The following GABBR2 variants were observed in gnomAD, a reference collection of about 807,000 sequenced individuals.
GABBR2 encodes G-protein coupled receptor 51.
A neutral mutation model predicts 105.6 loss-of-function variants in GABBR2; 23 were observed. The ratio of observed to expected loss-of-function variants is 0.22; its 90% CI spans 0.16 to 0.31. The LOEUF (loss-of-function observed/expected upper bound fraction) is 0.31. Ranked by LOEUF, GABBR2 falls within the 10% of genes least tolerant of loss-of-function variation. GABBR2 has a pLI of 1.00. For synonymous variants in GABBR2, 478 were observed against 499.7 expected (o/e 0.96, Z 0.58); for missense variants, 734 against 1,245.5 (o/e 0.59, Z 6.18).
intron 1 of GABBR2, among the ~76,000 whole-genome samples, chr9:98,616,834 G>A (rs557238124): frequency 6.6e-6 from 1 of 152,240 alleles, no homozygotes; most frequent in South Asian, 2.1e-4. Flanking sequence ...TAGATGAAGT[G>A]ACTGGATCTG....
At chr9:98,438,738 A>C (rs16916050) in intron 7 of GABBR2, among the ~76,000 whole-genome samples, 7,994 of 152,202 alleles carry the variant, frequency 0.053, 424 homozygotes, top group African/African-American at 0.14. Flanking sequence ...TACTGAAAAC[A>C]TGGGAATGAG....
intron 1 of GABBR2, among the ~76,000 whole-genome samples, chr9:98,699,875 A>G (rs1830806115): frequency 6.6e-6 from 1 of 152,252 alleles, no homozygotes; most frequent in South Asian, 2.1e-4. Context: ...GCTAGAGAAG[A>G]AGAAGAAAAG....
intron 7 of GABBR2, among the ~76,000 whole-genome samples, chr9:98,442,634 G>A (rs1348012889): frequency 6.6e-6 from 1 of 152,156 alleles, no homozygotes; most frequent in Non-Finnish European, 1.5e-5. Context: ...GTTTGCTTGG[G>A]CCATCATCAC....
chr9:98,682,894 T>C (rs893215941), intron 1 of GABBR2, among the ~76,000 whole-genome samples: 1 of 152,080 alleles, frequency 6.6e-6, no homozygotes, highest in African/African-American at 2.4e-5. Context: ...TTGTTTTGTT[T>C]GTTTGTTTGT....
chr9:98,368,598 T>C (rs1005096214), intron 12 of GABBR2, among the ~76,000 whole-genome samples: 1 of 152,234 alleles, frequency 6.6e-6, no homozygotes, highest in Non-Finnish European at 1.5e-5. Context: ...TTTTGTCGAT[T>C]GTGGCCAGAC....
At chr9:98,394,146 C>A (rs928680919) in intron 9 of GABBR2, 29 bp downstream of exon 9, 3 of 1,516,614 alleles carry the variant, frequency 2.0e-6, no homozygotes, top group Non-Finnish European at 1.8e-6. Flanking sequence ...TGGGCAGGCC[C>A]CCTCCTCTGA....
chr9:98,415,678 A>G (rs1832678313), intron 7 of GABBR2, among the ~76,000 whole-genome samples: 1 of 152,154 alleles, frequency 6.6e-6, no homozygotes, highest in Admixed American at 6.5e-5. Flanking sequence ...TTATTAATAG[A>G]TATTCAACAA....
At chr9:98,390,375 CAAAAAAAAAAAAAA>C (rs61216428) in intron 9 of GABBR2, among the ~76,000 whole-genome samples, 21 of 32,444 alleles carry the variant, frequency 6.5e-4, no homozygotes, top group Admixed American at 3.7e-4. Flanking sequence ...CTCCATCTCA[CAAAAAAAAAAAAAA>C]AAAAAAAAAA....
chr9:98,655,881 T>C (rs1304766781), intron 1 of GABBR2, among the ~76,000 whole-genome samples: 2 of 152,168 alleles, frequency 1.3e-5, no homozygotes, highest in African/African-American at 2.4e-5. Flanking sequence ...AAATACCTAA[T>C]GTAGATCACG....
rs1364799359 is a variant in GABBR2 at position 98,385,643 on chromosome 9, G to A, written c.1659C>T (p.Cys553=). 1.2e-5 allele frequency: 19 copies of A among 1,613,194 alleles called. No individual in the cohort carries two copies. In the South Asian group the frequency reaches 1.2e-4, roughly 10 times the overall value. Residue 553 remains cysteine (C), a synonymous_variant, in exon 11 of 19, where the codon TGC becomes TGT. Transcript: ENST00000259455. ...FVSEKTFETL[C]TVRTWILTVG... Reference sequence around the variant, plus strand: ...TGGCTTATGCAGAATGACTTACGGTGCAAAGTGTTTCAAAGGTCTTTTCAG... The same window carrying A: ...TGGCTTATGCAGAATGACTTACGGTACAAAGTGTTTCAAAGGTCTTTTCAG...
At chr9:98,457,313 C>A (rs533784648) in intron 6 of GABBR2, among the ~76,000 whole-genome samples, 2 of 152,198 alleles carry the variant, frequency 1.3e-5, no homozygotes, top group African/African-American at 4.8e-5. Context: ...ACTGGAGCAG[C>A]CTTCAAGGTT....
intron 3 of GABBR2, among the ~76,000 whole-genome samples, chr9:98,509,557 A>G (rs1280475552): frequency 6.6e-6 from 1 of 152,218 alleles, no homozygotes; most frequent in African/African-American, 2.4e-5. Flanking sequence ...AGAATAACCA[A>G]TGCAGAGAAG....
At chr9:98,485,317 C>T (rs1487917285) in intron 4 of GABBR2, among the ~76,000 whole-genome samples, 1 of 152,076 alleles carries the variant, frequency 6.6e-6, no homozygotes, top group Non-Finnish European at 1.5e-5. Context: ...GGGTATTCAG[C>T]CCAAACCCCC....
chr9:98,663,473 T>C (rs377437257), intron 1 of GABBR2, among the ~76,000 whole-genome samples: 29 of 151,970 alleles, frequency 1.9e-4, no homozygotes, highest in African/African-American at 5.8e-4. Context: ...ACTGTCATAA[T>C]TAGCGGCAAG....
intron 1 of GABBR2, among the ~76,000 whole-genome samples, chr9:98,668,039 C>T (rs189076040): frequency 6.6e-6 from 1 of 152,324 alleles, no homozygotes; most frequent in South Asian, 2.1e-4. Flanking sequence ...AATTTGGGAC[C>T]GCCCTGAAGG....
At chr9:98,462,157 A>G (rs1049005559) in intron 6 of GABBR2, among the ~76,000 whole-genome samples, 2 of 152,220 alleles carry the variant, frequency 1.3e-5, no homozygotes, top group Non-Finnish European at 2.9e-5. Context: ...CTCCCTTTCC[A>G]GGACACAGTT....
intron 1 of GABBR2, among the ~76,000 whole-genome samples, chr9:98,667,322 A>C (rs369532582): frequency 6.6e-6 from 1 of 152,140 alleles, no homozygotes; most frequent in African/African-American, 2.4e-5. Flanking sequence ...AAACAGAGAA[A>C]GTGAATGCCA....
chr9:98,391,530 G>C (rs2131501054), intron 9 of GABBR2, among the ~76,000 whole-genome samples: 1 of 152,322 alleles, frequency 6.6e-6, no homozygotes, highest in African/African-American at 2.4e-5. Context: ...GCAGAGTGCA[G>C]TCCTGCCTGA....
intron 1 of GABBR2, among the ~76,000 whole-genome samples, chr9:98,665,822 T>C (rs1385804994): frequency 6.6e-6 from 1 of 152,250 alleles, no homozygotes; most frequent in Non-Finnish European, 1.5e-5. Context: ...AGTTCCCATA[T>C]GACACCAACC....
Sources: gnomAD v4.1 joint callset for allele counts (sites outside exome capture counted in the v4.1 genomes callset) on GRCh38, gnomAD v4.1.1 for gene constraint, MANE v1.5 for transcripts, NCBI Gene and HGNC (gene_info 2026-07-23, HGNC 2026-07-21) for gene names.